CACNA2D3: variants seen among roughly 807,000 people sequenced by gnomAD.
The protein encoded by CACNA2D3 is calcium voltage-gated channel auxiliary subunit alpha2delta 3.
CACNA2D3 carries 60 observed loss-of-function variants against 160.6 expected under a neutral mutation model. That is an observed-to-expected ratio of 0.37 (90% CI 0.30 to 0.46). CACNA2D3 has a LOEUF of 0.46. Ranked by LOEUF, CACNA2D3 falls within the 20% of genes least tolerant of loss-of-function variation. CACNA2D3 has a pLI of 1.00. For synonymous variants in CACNA2D3, 558 were observed against 492.9 expected, an observed-to-expected ratio of 1.13 and a Z score of -1.75; for missense variants, 1,205 against 1,365.0, an observed-to-expected ratio of 0.88 and a Z score of 1.85.
At chr3:54,808,923 G>C (rs1478296847) in intron 13 of CACNA2D3, among the ~76,000 whole-genome samples, 1 of 152,162 alleles carries the variant, frequency 6.6e-6, no homozygotes, top group Non-Finnish European at 1.5e-5. Flanking sequence ...TAAGTACTCT[G>C]GAGGTTACGA....
intron 6 of CACNA2D3, among the ~76,000 whole-genome samples, chr3:54,565,486 A>G (rs1702395228): frequency 6.6e-6 from 1 of 152,106 alleles, no homozygotes; most frequent in Admixed American, 6.6e-5. Flanking sequence ...TTTATGTCCT[A>G]AGGGCATGTG....
At chr3:55,065,449 TG>T in intron 35 of CACNA2D3, among the ~76,000 whole-genome samples, 1 of 152,342 alleles carries the variant, frequency 6.6e-6, no homozygotes, top group East Asian at 1.9e-4. Context: ...ATGTGAACAC[TG>T]GTCAGGGCCT....
chr3:54,262,607 A>T (rs1702422820), intron 2 of CACNA2D3, among the ~76,000 whole-genome samples: 1 of 40,288 alleles, frequency 2.5e-5, no homozygotes, highest in Admixed American at 4.2e-4. Context: ...ATTTTGAATT[A>T]AAAAAAAAAT....
Position 54,635,501 on chromosome 3 carries a change from T to C in CACNA2D3, c.1054-6627T>C, listed in dbSNP as rs184422608. Reference sequence around the variant, plus strand: ...ACAGAAAATAGTAGGGATGACAAGTTTTTTTGGGGGCACAGTCTAAGTTGG... The same window carrying C: ...ACAGAAAATAGTAGGGATGACAAGTCTTTTTGGGGGCACAGTCTAAGTTGG... On this transcript the variant is annotated intron_variant, in intron 10 of 37. Coordinates refer to ENST00000474759, the MANE Select transcript of CACNA2D3 (RefSeq NM_018398.3). 4.4e-3 allele frequency among the ~76,000 whole-genome samples: 672 copies of C among 152,042 alleles called. 11 individuals are homozygous for C. The highest frequency in any genetic ancestry group is 0.015 in the African/African-American group (631 of 41,370).
chr3:54,369,632 A>C (rs902486423), intron 3 of CACNA2D3, among the ~76,000 whole-genome samples: 1 of 152,084 alleles, frequency 6.6e-6, no homozygotes, highest in Non-Finnish European at 1.5e-5. Context: ...TGCTGCCCAG[A>C]CAGGTGTGCC....
chr3:55,052,504 C>G (rs988992620), intron 35 of CACNA2D3, among the ~76,000 whole-genome samples: 1 of 151,554 alleles, frequency 6.6e-6, no homozygotes, highest in Non-Finnish European at 1.5e-5. Context: ...ATAAATGTTA[C>G]TTAGGTAAAG....
At chr3:55,068,012 C>T (rs1327682066) in intron 35 of CACNA2D3, among the ~76,000 whole-genome samples, 2 of 152,232 alleles carry the variant, frequency 1.3e-5, no homozygotes, top group Non-Finnish European at 2.9e-5. Flanking sequence ...CCTCTTCTCT[C>T]TCCCATCTTC....
intron 9 of CACNA2D3, among the ~76,000 whole-genome samples, chr3:54,599,660 G>T (rs370386206): frequency 1.2e-4 from 19 of 152,152 alleles, no homozygotes; most frequent in African/African-American, 4.3e-4. Flanking sequence ...TTCACATGCA[G>T]ATTATCCCAT....
intron 2 of CACNA2D3, among the ~76,000 whole-genome samples, chr3:54,274,879 A>G (rs1702702440): frequency 6.6e-6 from 1 of 152,246 alleles, no homozygotes; most frequent in Non-Finnish European, 1.5e-5. Context: ...CAGGGGAGAC[A>G]GCAAGAGAGC....
chr3:54,783,066 T>G (rs1036140874), intron 13 of CACNA2D3, among the ~76,000 whole-genome samples: 1 of 152,176 alleles, frequency 6.6e-6, no homozygotes, highest in African/African-American at 2.4e-5. Context: ...GGATAATTCA[T>G]GGAACAAATG....
intron 1 of CACNA2D3, among the ~76,000 whole-genome samples, chr3:54,123,145 C>T (rs1699509654): frequency 7.5e-6 from 1 of 134,144 alleles, no homozygotes; most frequent in Non-Finnish European, 1.7e-5. Flanking sequence ...TCTACTGCCG[C>T]CCCACTTCTT....
chr3:54,663,757 G>A (rs1450532384), intron 11 of CACNA2D3, among the ~76,000 whole-genome samples: 1 of 152,184 alleles, frequency 6.6e-6, no homozygotes, highest in African/African-American at 2.4e-5. Context: ...CTTGCCATGT[G>A]CACACCAGTC....
At chr3:54,698,192 A>G (rs956026032) in intron 11 of CACNA2D3, among the ~76,000 whole-genome samples, 4 of 152,210 alleles carry the variant, frequency 2.6e-5, no homozygotes, top group East Asian at 1.9e-4. Context: ...CTAAAGAACA[A>G]CAATAGCAGA....
intron 2 of CACNA2D3, among the ~76,000 whole-genome samples, chr3:54,302,681 T>C (rs1703505773): frequency 1.3e-5 from 2 of 152,158 alleles, no homozygotes; most frequent in African/African-American, 4.8e-5. Context: ...ACCATGCCCA[T>C]GTCCCAGTGA....
At chr3:54,923,712 G>A (rs1559631132) in intron 27 of CACNA2D3, among the ~76,000 whole-genome samples, 1 of 152,178 alleles carries the variant, frequency 6.6e-6, no homozygotes, top group African/African-American at 2.4e-5. Flanking sequence ...ACTGTGAAGT[G>A]GAGGAAAGAA....
chr3:54,786,910 G>A (rs1702653124), intron 13 of CACNA2D3, among the ~76,000 whole-genome samples: 4 of 152,158 alleles, frequency 2.6e-5, no homozygotes, highest in Admixed American at 2.6e-4. Flanking sequence ...ATGAGTCCAT[G>A]AATGTATGAC....
chr3:55,007,050 CA>C (rs1257418289), intron 32 of CACNA2D3, among the ~76,000 whole-genome samples: 1 of 152,184 alleles, frequency 6.6e-6, no homozygotes, highest in Non-Finnish European at 1.5e-5. Flanking sequence ...TAGCTAGGTA[CA>C]AAGAACCAAC....
rs542863254 is a variant in CACNA2D3 at position 54,206,446 on chromosome 3, C to T, written c.204+82852C>T. Among the ~76,000 whole-genome samples, 10 of 152,262 alleles carry T rather than the reference C, an allele frequency of 6.6e-5. No homozygotes were observed. In the South Asian group the frequency reaches 1.9e-3, roughly 28 times the overall value. Reference sequence around the variant, plus strand: ...AAAAGAGTTCTAGAGACTCTGTGTCCTGGGAGGAAGGTCTCATTACTACTG... The same window carrying T: ...AAAAGAGTTCTAGAGACTCTGTGTCTTGGGAGGAAGGTCTCATTACTACTG... On this transcript the variant is annotated intron_variant, in intron 2 of 37. Coordinates refer to ENST00000474759, the MANE Select transcript of CACNA2D3 (RefSeq NM_018398.3).
At chr3:54,392,863 A>G (rs76987204) in intron 4 of CACNA2D3, among the ~76,000 whole-genome samples, 3,233 of 152,244 alleles carry the variant, frequency 0.021, 110 homozygotes, top group African/African-American at 0.074. Context: ...TTCACCATCC[A>G]CTAGGAAAAG....
Sources: gnomAD v4.1 joint callset for allele counts (sites outside exome capture counted in the v4.1 genomes callset) on GRCh38, gnomAD v4.1.1 for gene constraint, MANE v1.5 for transcripts, NCBI Gene and HGNC (gene_info 2026-07-23, HGNC 2026-07-21) for gene names.